Variants in KIF6 observed in about 807,000 individuals in gnomAD.
KIF6 encodes kinesin-like protein KIF6.
In KIF6, 106 loss-of-function variants were observed where a neutral mutation model predicts 112.7. The observed-to-expected ratio is 0.94, with a 90% CI of 0.80 to 1.11. The LOEUF is 1.11. Ranked by LOEUF, KIF6 falls within the 50% of genes least tolerant of loss-of-function variation. KIF6 has a pLI of 0.00. For missense variants in KIF6, 929 were observed against 964.0 expected (o/e 0.96, Z 0.48); for synonymous variants, 339 against 339.9 (o/e 1.00, Z 0.03).
At chr6:39,700,053 G>A (rs1217026943) in intron 3 of KIF6, among the ~76,000 whole-genome samples, 1 of 151,870 alleles carries the variant, frequency 6.6e-6, no homozygotes, top group Admixed American at 6.6e-5. Flanking sequence ...AATATTTAAG[G>A]CGATACATAT....
chr6:39,398,427 C>A (rs1432023871), intron 15 of KIF6, among the ~76,000 whole-genome samples: 2 of 152,178 alleles, frequency 1.3e-5, no homozygotes, highest in East Asian at 3.8e-4. Context: ...AGGAGGAGAC[C>A]AAACCTTCAC....
intron 17 of KIF6, among the ~76,000 whole-genome samples, chr6:39,360,752 G>A (rs993341912): frequency 6.6e-6 from 1 of 152,170 alleles, no homozygotes; most frequent in Non-Finnish European, 1.5e-5. Flanking sequence ...GTAGGCCCAT[G>A]GGAATCTGTG....
intron 4 of KIF6, among the ~76,000 whole-genome samples, chr6:39,636,507 A>G (rs1464524627): frequency 6.6e-6 from 1 of 152,052 alleles, no homozygotes; most frequent in African/African-American, 2.4e-5. Context: ...TACTATTTCA[A>G]TATAATTCTT....
rs190723911 is a variant in KIF6, at chr6:39,618,153, T to C, written c.510-4835A>G. 3.3e-5 allele frequency among the ~76,000 whole-genome samples: 5 copies of C among 152,310 alleles called. No individual in the cohort carries two copies. The East Asian group carries it at 5.8e-4, about 18-fold the overall frequency. ...AAATATGTTTCTTGGGAAAGATTCA[T>C]GAACCTGCAATATATTTTTGTGTTA... is the stretch of plus-strand genomic sequence containing the variant. On this transcript the variant is annotated intron_variant, in intron 5 of 22. Transcript: ENST00000287152.
intron 13 of KIF6, among the ~76,000 whole-genome samples, chr6:39,518,320 TAC>T (rs1276136892): frequency 2.6e-5 from 4 of 152,172 alleles, no homozygotes; most frequent in Non-Finnish European, 5.9e-5. Flanking sequence ...TGAAAGTATG[TAC>T]ACACACATGC....
intron 14 of KIF6, among the ~76,000 whole-genome samples, chr6:39,425,695 CA>C (rs1352546332): frequency 9.6e-5 from 14 of 146,462 alleles, no homozygotes; most frequent in Non-Finnish European, 1.0e-4. Context: ...TTCCTGTGGC[CA>C]GCACTGCTTT....
intron 3 of KIF6, among the ~76,000 whole-genome samples, chr6:39,666,718 T>C (rs925631961): frequency 6.6e-6 from 1 of 152,308 alleles, no homozygotes; most frequent in East Asian, 1.9e-4. Context: ...TGGTGTTATG[T>C]GTGAAGGGGC....
chr6:39,611,479 A>C (rs953378090), intron 6 of KIF6, among the ~76,000 whole-genome samples: 1 of 152,180 alleles, frequency 6.6e-6, no homozygotes, highest in South Asian at 2.1e-4. Context: ...CAAGCTTTTA[A>C]GCTACTGGAG....
In KIF6 at chr6:39,540,233, C is replaced by G. The variant is rs1478772158; in HGVS notation, c.1427-12G>C. 1.3e-6 allele frequency: 2 copies of G among 1,561,354 alleles called. No individual in the cohort carries two copies. The highest frequency in any genetic ancestry group is 2.7e-5 in the African/African-American group (2 of 72,992). ...GTTGACCAGGATATCTGAAACTTGA[C>G]TTAAGGATTTAATGCCTGATGCTAG... On this transcript the variant is annotated splice_polypyrimidine_tract_variant and intron_variant, in intron 12 of 22. Coordinates refer to ENST00000287152, the MANE Select transcript of KIF6 (RefSeq NM_145027.6).
At position 39,419,973 on chromosome 6, in the gene KIF6, A is replaced by G. The variant is rs1562197877; in HGVS notation, c.1785T>C (p.Ser595=). 6.2e-7 allele frequency: 1 copy of G among 1,613,664 alleles called. No individual in the cohort carries two copies. The highest frequency in any genetic ancestry group is 8.5e-7 in the Non-Finnish European group (1 of 1,179,556). The change falls in exon 15 of 23, where the codon AGT becomes AGC. Residue 595 remains serine (S), a synonymous_variant. Coordinates refer to ENST00000287152, the MANE Select transcript of KIF6 (RefSeq NM_145027.6). ...RFSEAKALGE[S]INEARSKIGH... ...CAATTTTACTTCTTGCTTCATTTAT[A>G]CTTTCTCCCAGGGCCTTGGCTTCAG...
At chr6:39,571,432 TC>T (rs1780632245) in intron 10 of KIF6, among the ~76,000 whole-genome samples, 1 of 152,204 alleles carries the variant, frequency 6.6e-6, no homozygotes, top group Non-Finnish European at 1.5e-5. Context: ...AAGCTGCAAC[TC>T]CTGTTTTATT....
chr6:39,668,516 C>A (rs1033566968), intron 3 of KIF6, among the ~76,000 whole-genome samples: 16 of 152,166 alleles, frequency 1.1e-4, no homozygotes, highest in Admixed American at 5.9e-4. Flanking sequence ...AAACCCACTG[C>A]ACCTCAGAAT....
chr6:39,609,870 A>G (rs981904211), intron 6 of KIF6, among the ~76,000 whole-genome samples: 7 of 152,178 alleles, frequency 4.6e-5, no homozygotes, highest in African/African-American at 1.2e-4. Context: ...TGGGCTCCAC[A>G]TGGAAGAGAT....
chr6:39,687,732 C>T (rs1193045919), intron 3 of KIF6, among the ~76,000 whole-genome samples: 6 of 152,206 alleles, frequency 3.9e-5, no homozygotes, highest in Non-Finnish European at 7.3e-5. Context: ...TAGGCTGCAG[C>T]CAGACTTTCT....
Position 39,585,188 on chromosome 6 carries a change from T to C in KIF6, c.991-204A>G, listed in dbSNP as rs569689230. Reference sequence around the variant, plus strand: ...AACCTTTTTGGCCACAAGGGCCTGGTTTTGTGGAAGACAATTTTTCCATGG... The same window carrying C: ...AACCTTTTTGGCCACAAGGGCCTGGCTTTGTGGAAGACAATTTTTCCATGG... On this transcript the variant is annotated intron_variant, in intron 8 of 22. Coordinates refer to ENST00000287152, the MANE Select transcript of KIF6 (RefSeq NM_145027.6). Among the ~76,000 whole-genome samples the C allele has an allele frequency of 2.0e-5, 3 of 152,320 alleles. No homozygotes were observed. In the South Asian group the frequency reaches 6.2e-4, roughly 32 times the overall value.
rs201646586 is a variant in KIF6, at chr6:39,639,595, C to T, written c.399+15G>A. ...TATATCAAATACAAAATGATATGAA[C>T]GAAAAGTTTCATACCTTTTGTAACT... On this transcript the variant is annotated intron_variant, in intron 4 of 22. Coordinates refer to ENST00000287152, the MANE Select transcript of KIF6 (RefSeq NM_145027.6). 4.6e-5 allele frequency: 70 copies of T among 1,529,774 alleles called. No individual in the cohort carries two copies. Among genetic ancestry groups the T allele is most frequent in the African/African-American group, 1.8e-4 (13 of 70,948 alleles). 94.8% of individuals were successfully genotyped at this position (1,529,774 alleles called of 1,614,324 possible). A position where few individuals can be genotyped will look rare whatever the true frequency, so the allele number is the denominator to read the frequency against.
chr6:39,484,416 A>G (rs1774992625), intron 13 of KIF6, among the ~76,000 whole-genome samples: 1 of 152,196 alleles, frequency 6.6e-6, no homozygotes, highest in Non-Finnish European at 1.5e-5. Flanking sequence ...GACACAAGCA[A>G]AAGTGCTAGG....
chr6:39,561,508 C>T (rs540888939), intron 10 of KIF6, among the ~76,000 whole-genome samples: 18 of 151,906 alleles, frequency 1.2e-4, no homozygotes, highest in Admixed American at 2.0e-4. Context: ...CAGGTCACCA[C>T]GCCCGGTTAA....
intron 10 of KIF6, among the ~76,000 whole-genome samples, chr6:39,547,988 T>G (rs1205466524): frequency 6.6e-6 from 1 of 152,220 alleles, no homozygotes; most frequent in Non-Finnish European, 1.5e-5. Flanking sequence ...CCTGAATACA[T>G]AGCAGAAATT....
Sources: allele counts gnomAD v4.1 joint callset (sites outside exome capture counted in the v4.1 genomes callset), GRCh38; gene constraint gnomAD v4.1.1; transcripts MANE v1.5; gene names NCBI Gene and HGNC (gene_info 2026-07-23, HGNC 2026-07-21).